The following MYO16 variants were observed in gnomAD, a reference collection of about 807,000 sequenced individuals.
MYO16 encodes unconventional myosin-XVI.
A neutral mutation model predicts 205.3 loss-of-function variants in MYO16; 94 were observed. The observed-to-expected ratio is 0.46, with a 90% CI of 0.39 to 0.54. The LOEUF (loss-of-function observed/expected upper bound fraction) is 0.54, where lower values mean the gene tolerates loss of function less well. MYO16 is among the 20% of genes least tolerant of loss of function. The pLI is 0.00. For synonymous variants in MYO16, 988 were observed against 954.0 expected, an observed-to-expected ratio of 1.04 and a Z score of -0.66; for missense variants, 2,315 against 2,387.5, an observed-to-expected ratio of 0.97 and a Z score of 0.63.
Position 108,829,953 on chromosome 13 carries a change from A to G in MYO16, c.1097+6675A>G, listed in dbSNP as rs1049000691. On this transcript the variant is annotated intron_variant, in intron 9 of 34. Transcript: ENST00000457511. ...CCCCATCAAAAAGTGGGCAAAGGAC[A>G]TGAACAGACACTTCTCAAAAGAAGA... Among the ~76,000 whole-genome samples the G allele has an allele frequency of 4.7e-5, 7 of 147,944 alleles. No homozygotes were observed. The East Asian group carries it at 1.2e-3, about 25-fold the overall frequency.
At chr13:109,116,170 C>T (rs1323563721) in intron 28 of MYO16, among the ~76,000 whole-genome samples, 1 of 152,142 alleles carries the variant, frequency 6.6e-6, no homozygotes, top group Non-Finnish European at 1.5e-5. Flanking sequence ...GTAATAGCAG[C>T]AAGCACAATA....
chr13:108,926,167 G>A (rs1020439921), intron 16 of MYO16, among the ~76,000 whole-genome samples: 7 of 152,172 alleles, frequency 4.6e-5, no homozygotes, highest in Non-Finnish European at 1.0e-4. Context: ...ATACACTGAC[G>A]TGTTTCAGCG....
intron 1 of MYO16, among the ~76,000 whole-genome samples, chr13:108,633,750 C>G (rs1880093160): frequency 6.6e-6 from 1 of 152,098 alleles, no homozygotes; most frequent in African/African-American, 2.4e-5. Context: ...TTTCCTCAAG[C>G]CACTCATGCT....
At chr13:108,583,966 G>GTTTTTT in the MYO16 span, among the ~76,000 whole-genome samples, 1 of 151,882 alleles carries the variant, frequency 6.6e-6, no homozygotes, top group Admixed American at 6.6e-5. Flanking sequence ...TTTGTTTTTT[G>GTTTTTT]TTTTTGATAC....
chr13:108,984,264 A>T (rs184099028), intron 20 of MYO16, among the ~76,000 whole-genome samples: 6 of 152,244 alleles, frequency 3.9e-5, no homozygotes, highest in Admixed American at 1.3e-4. Flanking sequence ...GAAGCCTGCA[A>T]ATCAGAAGAT....
chr13:108,542,907 ATTAT>A, the MYO16 span, among the ~76,000 whole-genome samples: 466 of 151,542 alleles, frequency 3.1e-3, 2 homozygotes, highest in African/African-American at 9.8e-3. Context: ...TAATAATGTG[ATTAT>A]TTATAATAAT....
chr13:109,103,458 T>C (rs1489978113), intron 28 of MYO16, among the ~76,000 whole-genome samples: 1 of 152,226 alleles, frequency 6.6e-6, no homozygotes, highest in Non-Finnish European at 1.5e-5. Context: ...GAATGGTTAC[T>C]CTTTTCCATA....
chr13:108,695,647 A>G (rs1883064054), intron 2 of MYO16, among the ~76,000 whole-genome samples: 2 of 152,160 alleles, frequency 1.3e-5, no homozygotes, highest in African/African-American at 4.8e-5. Context: ...TCAATTTACC[A>G]AAAAATGATA....
At chr13:109,195,572 T>C (rs149932467) in intron 34 of MYO16, among the ~76,000 whole-genome samples, 1 of 152,288 alleles carries the variant, frequency 6.6e-6, no homozygotes, top group Admixed American at 6.5e-5. Context: ...CTTCAACATC[T>C]TGTTAGCTCC....
chr13:108,665,291 G>A lies in MYO16; in HGVS notation c.29-595G>A, dbSNP rs1881675591. ...ATTATTTATTTATTTATTTATTTTT[G>A]GAGAGATGGGGGTCTTCCTATTGTT... is the stretch of plus-strand genomic sequence containing the variant. On this transcript the variant is annotated intron_variant, in intron 1 of 34. Coordinates refer to ENST00000457511, the MANE Select transcript of MYO16 (RefSeq NM_001198950.3). Among the ~76,000 whole-genome samples the A allele has an allele frequency of 2.0e-5, 3 of 151,864 alleles. No homozygotes were observed. The South Asian group carries it at 6.2e-4, about 32-fold the overall frequency.
At chr13:108,901,564 G>A (rs549253737) in intron 15 of MYO16, among the ~76,000 whole-genome samples, 156 of 152,266 alleles carry the variant, frequency 1.0e-3, no homozygotes, top group African/African-American at 3.3e-3. Context: ...TCAGACTTGC[G>A]TAGGGTTTAT....
chr13:108,718,969 T>C (rs1014220138), intron 3 of MYO16, among the ~76,000 whole-genome samples: 5 of 152,114 alleles, frequency 3.3e-5, no homozygotes, highest in African/African-American at 1.2e-4. Context: ...TAAATGCTAC[T>C]GGAAACCCAA....
At chr13:108,620,699 A>C (rs190575074) in intron 1 of MYO16, among the ~76,000 whole-genome samples, 3 of 152,164 alleles carry the variant, frequency 2.0e-5, no homozygotes, top group Non-Finnish European at 4.4e-5. Flanking sequence ...CGATGATGGG[A>C]TGTGCTGTCC....
chr13:109,101,434 T>TATA (rs1888963955), intron 28 of MYO16: 1 of 152,726 alleles, frequency 6.5e-6, no homozygotes, highest in Non-Finnish European at 1.5e-5. Context: ...AACACTTTAT[T>TATA]ATAGTCTGTG....
intron 8 of MYO16, among the ~76,000 whole-genome samples, chr13:108,821,666 A>G (rs1875978221): frequency 6.6e-6 from 1 of 152,144 alleles, no homozygotes; most frequent in African/African-American, 2.4e-5. Context: ...CTCCCATGGC[A>G]TACTCTCACC....
intron 16 of MYO16, among the ~76,000 whole-genome samples, chr13:108,951,492 T>C (rs1390575493): frequency 6.6e-6 from 1 of 152,200 alleles, no homozygotes; most frequent in Non-Finnish European, 1.5e-5. Context: ...AGGATATCCC[T>C]GCCAATTAAA....
At chr13:108,606,776 C>T (rs931733288) in intron 1 of MYO16, among the ~76,000 whole-genome samples, 10 of 152,128 alleles carry the variant, frequency 6.6e-5, no homozygotes, top group Non-Finnish European at 1.3e-4. Context: ...GTAGATCCAC[C>T]TACAGCTTGC....
chr13:108,982,485 TA>T (rs954504650), intron 20 of MYO16, among the ~76,000 whole-genome samples: 1 of 152,010 alleles, frequency 6.6e-6, no homozygotes, highest in Non-Finnish European at 1.5e-5. Flanking sequence ...CATAATAAGT[TA>T]AAAAAAAGTA....
chr13:108,691,480 T>A (rs1882895559), intron 2 of MYO16, among the ~76,000 whole-genome samples: 1 of 151,980 alleles, frequency 6.6e-6, no homozygotes, highest in African/African-American at 2.4e-5. Context: ...AGTGAGATAT[T>A]TGTACTAGAA....
Sources: gnomAD v4.1 joint callset for allele counts (sites outside exome capture counted in the v4.1 genomes callset) on GRCh38, gnomAD v4.1.1 for gene constraint, MANE v1.5 for transcripts, NCBI Gene and HGNC (gene_info 2026-07-23, HGNC 2026-07-21) for gene names.